ABCG1: variants seen among roughly 807,000 people sequenced by gnomAD.
ABCG1 encodes ATP binding cassette subfamily G member 1.
A neutral mutation model predicts 69.2 loss-of-function variants in ABCG1; 29 were observed. That is an observed-to-expected ratio of 0.42 (90% CI 0.31 to 0.57). The LOEUF (loss-of-function observed/expected upper bound fraction) is 0.57. Ranked by LOEUF, ABCG1 falls within the 20% of genes least tolerant of loss-of-function variation. The probability of loss-of-function intolerance (pLI) is 0.15; values close to 1 mark genes in which losing one functional copy is unlikely to be tolerated. For missense variants in ABCG1, 718 were observed against 898.1 expected, an observed-to-expected ratio of 0.80 and a Z score of 2.56; for synonymous variants, 370 against 374.8, an observed-to-expected ratio of 0.99 and a Z score of 0.15.
At chr21:42,222,717 C>T (rs994082834) in intron 1 of ABCG1, among the ~76,000 whole-genome samples, 1 of 152,196 alleles carries the variant, frequency 6.6e-6, no homozygotes, top group Non-Finnish European at 1.5e-5. Flanking sequence ...TAATAAGAGG[C>T]ATAAACTATA....
chr21:42,293,216 C>CA (rs2069118023), intron 13 of ABCG1, among the ~76,000 whole-genome samples: 1 of 129,494 alleles, frequency 7.7e-6, no homozygotes, highest in African/African-American at 3.8e-5. Context: ...ACTGCATACA[C>CA]ACACTACACA....
At chr21:42,204,977 T>G (rs1467500270) in intron 2 of ABCG1, among the ~76,000 whole-genome samples, 3 of 152,082 alleles carry the variant, frequency 2.0e-5, no homozygotes, top group Non-Finnish European at 2.9e-5. Flanking sequence ...AATTCTCCAG[T>G]GATATCATCT....
chr21:42,268,388 T>TGTGTGTGTGTGTGC (rs57264459), intron 2 of ABCG1, among the ~76,000 whole-genome samples: 196 of 110,176 alleles, frequency 1.8e-3, no homozygotes, highest in Middle Eastern at 9.0e-3. Context: ...TGTGTGTGTG[T>TGTGTGTGTGTGTGC]GCGCGCGCGC....
Position 42,219,541 on chromosome 21 carries a change from G to T in ABCG1, c.42+237G>T, listed in dbSNP as rs1019273514. Reference sequence around the variant, plus strand: ...GGCAGAGAGCACGGACTAGGTGGAGGGGCCGGGAGTGGGGCGGGGGCAGCG... The same window carrying T: ...GGCAGAGAGCACGGACTAGGTGGAGTGGCCGGGAGTGGGGCGGGGGCAGCG... On this transcript the variant is annotated intron_variant, in intron 1 of 14. Coordinates refer to ENST00000398449, the MANE Select transcript of ABCG1 (RefSeq NM_016818.3). This position sits in a 1 kb window ranked among gnomAD's most constrained non-coding sequence, Gnocchi z 5.3. Among the ~76,000 whole-genome samples, 2 of 152,184 alleles carry T rather than the reference G, an allele frequency of 1.3e-5. No individual in the cohort carries two copies. The highest frequency in any genetic ancestry group is 2.4e-5 in the African/African-American group (1 of 41,456).
At chr21:42,216,293 G>A (rs1036456933), upstream of ABCG1, 9 of 335,658 alleles carry the variant, frequency 2.7e-5, no homozygotes, top group African/African-American at 2.0e-4. Flanking sequence ...GCTCCCCACT[G>A]GAAATTACCA....
In ABCG1 at chr21:42,282,304, C is replaced by T. The variant is rs1364462156; in HGVS notation, c.619C>T (p.Leu207=). The T allele has an allele frequency of 6.2e-7, 1 of 1,612,898 alleles. No individual in the cohort carries two copies. ...VKEILTALGL[L]SCANTRTGSL... ...GGAGATACTGACAGCGCTGGGCTTG[C>T]TGTCTTGCGCCAACACGCGGACCGG... is the stretch of plus-strand genomic sequence containing the variant. Residue 207 remains leucine, a synonymous_variant, in exon 6 of 15, where the codon CTG becomes TTG. Transcript: ENST00000398449.
Position 42,291,340 on chromosome 21 carries a change from TCGGGAGCTGTGG to T in ABCG1, c.1495-145_1495-134del. 6.6e-6 allele frequency: 8 copies of T among 1,205,830 alleles called. No individual in the cohort carries two copies. Among genetic ancestry groups the T allele is most frequent in the East Asian group, 5.0e-5 (2 of 40,360 alleles). 74.7% of individuals were successfully genotyped at this position (1,205,830 alleles called of 1,614,324 possible). A position where few individuals can be genotyped will look rare whatever the true frequency, so the allele number is the denominator to read the frequency against. On this transcript the variant is annotated intron_variant, in intron 12 of 14. Coordinates refer to ENST00000398449, the MANE Select transcript of ABCG1 (RefSeq NM_016818.3). This position sits in a 1 kb window ranked among gnomAD's most constrained non-coding sequence, Gnocchi z 6.4. ...GGGAGCTGCGGGGAAGGGCCTGACT[TCGGGAGCTGTGG>T]CGGGAGCTGTGGGGAGTGGGGAAGG...
At chr21:42,285,800 GTTGA>G (rs2068928815) in intron 7 of ABCG1, 76 bp from the exon 8 acceptor site, 13 of 944,754 alleles carry the variant, frequency 1.4e-5, no homozygotes, top group South Asian at 2.7e-5. Flanking sequence ...TGATTGATTG[GTTGA>G]TTGATTGATT....
At chr21:42,214,598 C>A (rs1483714935), upstream of ABCG1, among the ~76,000 whole-genome samples, 1 of 152,192 alleles carries the variant, frequency 6.6e-6, no homozygotes, top group Non-Finnish European at 1.5e-5. Flanking sequence ...CCTGGGATGA[C>A]GAGGGCACGG....
At chr21:42,278,434 G>A (rs2068747948) in intron 5 of ABCG1, among the ~76,000 whole-genome samples, 1 of 152,226 alleles carries the variant, frequency 6.6e-6, no homozygotes, top group African/African-American at 2.4e-5. Context: ...TGTATTTGAA[G>A]ATCGGGTCTT....
Position 42,296,738 on chromosome 21 carries a change from G to A in ABCG1, c.*346G>A, listed in dbSNP as rs2069219461. 1 of 325,356 alleles carries A rather than the reference G, an allele frequency of 3.1e-6. No homozygotes were observed. The highest frequency in any genetic ancestry group is 2.1e-5 in the African/African-American group (1 of 47,742). 20.2% of individuals were successfully genotyped at this position (325,356 alleles called of 1,614,324 possible). A position where few individuals can be genotyped will look rare whatever the true frequency, so the allele number is the denominator to read the frequency against. On this transcript the variant is annotated 3_prime_UTR_variant, in exon 15 of 15. Transcript: ENST00000398449. This position sits in a 1 kb window ranked among gnomAD's most constrained non-coding sequence, Gnocchi z 5.4. ...CAGTCCAGTCGCTCCTTAGCACCAGGCACCGTGGGTCCTGGATGGGGAACT... is the reference window on the plus strand; with the variant it reads ...CAGTCCAGTCGCTCCTTAGCACCAGACACCGTGGGTCCTGGATGGGGAACT...
intron 2 of ABCG1, among the ~76,000 whole-genome samples, chr21:42,253,013 C>CCCAGTCT (rs1413500786): frequency 6.6e-6 from 1 of 152,258 alleles, no homozygotes; most frequent in East Asian, 1.9e-4. Flanking sequence ...GACTCGCCTT[C>CCCAGTCT]CCAGTCTCGG....
chr21:42,266,730 C>T (rs144925826), intron 2 of ABCG1, among the ~76,000 whole-genome samples: 13 of 152,320 alleles, frequency 8.5e-5, no homozygotes, highest in African/African-American at 2.9e-4. Context: ...TTCACAGGCT[C>T]ATAGAGCATT....
intron 2 of ABCG1, among the ~76,000 whole-genome samples, chr21:42,207,775 A>G (rs1190874755): frequency 6.6e-6 from 1 of 151,928 alleles, no homozygotes; most frequent in Non-Finnish European, 1.5e-5. Context: ...CTCTACTGAT[A>G]CCTCCCTAGC....
At chr21:42,263,421 G>A (rs2068446511) in intron 2 of ABCG1, among the ~76,000 whole-genome samples, 1 of 152,208 alleles carries the variant, frequency 6.6e-6, no homozygotes, top group East Asian at 1.9e-4. Context: ...GCGACAGGAA[G>A]GGGACGTGAG....
chr21:42,272,548 G>T (rs1446533192), intron 3 of ABCG1, among the ~76,000 whole-genome samples: 1 of 152,246 alleles, frequency 6.6e-6, no homozygotes, highest in African/African-American at 2.4e-5. Context: ...ATAACGTCTA[G>T]GAGGTAGGGC....
chr21:42,268,730 ACT>A (rs2123720807), intron 2 of ABCG1, among the ~76,000 whole-genome samples: 1 of 152,088 alleles, frequency 6.6e-6, no homozygotes, highest in East Asian at 1.9e-4. Flanking sequence ...AGTTGTGTGC[ACT>A]CTCTGTTTGG....
At chr21:42,238,385 C>A (rs919208503) in intron 2 of ABCG1, among the ~76,000 whole-genome samples, 5 of 152,140 alleles carry the variant, frequency 3.3e-5, no homozygotes, top group African/African-American at 7.2e-5. Context: ...CTGGAGTTGT[C>A]CTCCAAGAGA....
At chr21:42,215,422 C>A (rs144304876), upstream of ABCG1, among the ~76,000 whole-genome samples, 1,068 of 152,298 alleles carry the variant, frequency 7.0e-3, 15 homozygotes, top group African/African-American at 0.025. Context: ...TAGGGAAGGC[C>A]AGATGGAATA....
Sources: allele counts gnomAD v4.1 joint callset (sites outside exome capture counted in the v4.1 genomes callset), GRCh38; gene constraint gnomAD v4.1.1; non-coding constraint Gnocchi (gnomAD v3.1); transcripts MANE v1.5; gene names NCBI Gene and HGNC (gene_info 2026-07-23, HGNC 2026-07-21).